The following ODF2L variants were observed in gnomAD, a reference collection of about 807,000 sequenced individuals.
ODF2L encodes outer dense fiber of sperm tails 2 like, also known as protein BCAP.
Under a neutral mutation model 86.3 loss-of-function variants are expected in ODF2L, and 76 were observed. That is an observed-to-expected ratio of 0.88 (90% CI 0.73 to 1.07). The LOEUF (loss-of-function observed/expected upper bound fraction) is 1.07. ODF2L is among the 50% of genes least tolerant of loss of function. The pLI, the probability that ODF2L is intolerant of heterozygous loss-of-function variation, is 0.00. For missense variants in ODF2L, 748 were observed against 717.4 expected (o/e 1.04, Z -0.49); for synonymous variants, 241 against 231.3 (o/e 1.04, Z -0.38).
In ODF2L at chr1:86,372,416, T is replaced by C; in HGVS notation, c.920+15A>G. 8.4e-7 allele frequency: 1 copy of C among 1,191,004 alleles called. No homozygotes were observed. Among genetic ancestry groups the C allele is most frequent in the Non-Finnish European group, 1.1e-6 (1 of 881,302 alleles). 73.8% of individuals were successfully genotyped at this position (1,191,004 alleles called of 1,614,324 possible). On this transcript the variant is annotated intron_variant, in intron 9 of 17. Transcript: ENST00000317336. ...ACTCTTACTAAATAATAAAATATTCTAAATTTTTTCTTACTTTTTCATTGT... is the reference window on the plus strand; with the variant it reads ...ACTCTTACTAAATAATAAAATATTCCAAATTTTTTCTTACTTTTTCATTGT...
intron 1 of ODF2L, among the ~76,000 whole-genome samples, chr1:86,390,266 C>T (rs1661226947): frequency 6.6e-6 from 1 of 151,894 alleles, no homozygotes; most frequent in African/African-American, 2.4e-5. Flanking sequence ...ACTAAAAATA[C>T]AAAAATTAGC....
At chr1:86,357,640 G>T in intron 13 of ODF2L, 1 of 265,394 alleles carries the variant, frequency 3.8e-6, no homozygotes, top group Non-Finnish European at 5.7e-6. Context: ...TCTGTTTTAA[G>T]GACACTGAGG....
intron 10 of ODF2L, among the ~76,000 whole-genome samples, chr1:86,369,332 T>C (rs1361308530): frequency 6.6e-6 from 1 of 152,196 alleles, no homozygotes; most frequent in East Asian, 1.9e-4. Context: ...TAACAAAAAG[T>C]AGCCGAAATA....
chr1:86,380,557 C>T (rs1489086731), intron 7 of ODF2L, among the ~76,000 whole-genome samples: 3 of 152,076 alleles, frequency 2.0e-5, no homozygotes, highest in African/African-American at 4.8e-5. Flanking sequence ...GTTCCAGACA[C>T]GATCTTCTCA....
exon 7 of ODF2L, chr1:86,382,299 T>C (rs773326785): frequency 6.2e-7 from 1 of 1,612,606 alleles, no homozygotes; most frequent in Admixed American, 1.7e-5. Flanking sequence ...TTTGGATCTG[T>C]AGTCGTTCAT....
At chr1:86,367,511 A>T (rs1316442953) in intron 11 of ODF2L, among the ~76,000 whole-genome samples, 1 of 150,668 alleles carries the variant, frequency 6.6e-6, no homozygotes. Context: ...TGGGGAAAAT[A>T]GGTTCTTCAG....
At position 86,368,848 on chromosome 1, in the gene ODF2L, C is replaced by T. The variant is rs561850545; in HGVS notation, c.1057-126G>A. 4.2e-5 allele frequency: 30 copies of T among 722,526 alleles called. No individual in the cohort carries two copies. In the Admixed American group the frequency reaches 4.7e-4, roughly 11 times the overall value. 44.8% of individuals were successfully genotyped at this position (722,526 alleles called of 1,614,324 possible). A position where few individuals can be genotyped will look rare whatever the true frequency, so the allele number is the denominator to read the frequency against. On this transcript the variant is annotated intron_variant, in intron 10 of 17. Coordinates refer to ENST00000317336, the Ensembl canonical transcript of ODF2L. ...AATAGGGAATCACCTAACACTTCTA[C>T]GTTGACTATATATTACAAAGTAATT... is the stretch of plus-strand genomic sequence containing the variant.
At chr1:86,379,680 T>A (rs1431590980) in intron 7 of ODF2L, among the ~76,000 whole-genome samples, 1 of 152,170 alleles carries the variant, frequency 6.6e-6, no homozygotes, top group Admixed American at 6.5e-5. Context: ...TTTACTAGAT[T>A]TAGGGGGCAC....
intron 1 of ODF2L, among the ~76,000 whole-genome samples, chr1:86,389,464 A>G (rs1558065963): frequency 6.6e-6 from 1 of 152,152 alleles, no homozygotes; most frequent in Non-Finnish European, 1.5e-5. Context: ...CAGACAATGT[A>G]AGGTCACATC....
intron 1 of ODF2L, among the ~76,000 whole-genome samples, chr1:86,395,566 A>G (rs913060939): frequency 6.6e-6 from 1 of 152,158 alleles, no homozygotes; most frequent in Non-Finnish European, 1.5e-5. Flanking sequence ...AGGGGCTGGA[A>G]CCTAGAGGAA....
chr1:86,352,799 T>C, intron 17 of ODF2L, 60 bp downstream of exon 16: 1 of 1,039,544 alleles, frequency 9.6e-7, no homozygotes, highest in Non-Finnish European at 1.4e-6. Flanking sequence ...TTGTATTTTC[T>C]ACATGGTAAG....
At chr1:86,384,012 T>C (rs1026059151) in intron 4 of ODF2L, among the ~76,000 whole-genome samples, 3 of 151,808 alleles carry the variant, frequency 2.0e-5, no homozygotes, top group African/African-American at 7.2e-5. Context: ...AACTAACAGT[T>C]CTTAATAGTG....
chr1:86,373,397 C>T (rs1417136989), intron 8 of ODF2L, among the ~76,000 whole-genome samples: 1 of 150,574 alleles, frequency 6.6e-6, no homozygotes, highest in East Asian at 1.9e-4. Flanking sequence ...CTGCCTCAGC[C>T]TCCCTAGTAG....
intron 9 of ODF2L, 45 bp downstream of exon 9, chr1:86,372,386 T>C: frequency 2.1e-6 from 2 of 952,262 alleles, no homozygotes; most frequent in Non-Finnish European, 2.9e-6. Context: ...TTTTAAAAAG[T>C]GAAAACTCTT....
rs150999853 is a variant in ODF2L, at chr1:86,379,431, C to T, written c.624+2811G>A. On this transcript the variant is annotated intron_variant, in intron 7 of 17. Coordinates refer to ENST00000317336, the Ensembl canonical transcript of ODF2L. ...ACTTCCTTAAAACTTCTGTGATTAACTCAGATAGTTTTTTTAGTTCACATC... is the reference window on the plus strand; with the variant it reads ...ACTTCCTTAAAACTTCTGTGATTAATTCAGATAGTTTTTTTAGTTCACATC... 1.1e-3 allele frequency among the ~76,000 whole-genome samples: 175 copies of T among 152,220 alleles called. 4 individuals are homozygous for T. The East Asian group carries it at 0.033, about 29-fold the overall frequency.
intron 2 of ODF2L, 127 bp from the exon 3 acceptor site, chr1:86,385,717 G>A (rs938608904): frequency 2.2e-5 from 13 of 602,642 alleles, no homozygotes; most frequent in South Asian, 8.5e-5. Context: ...AAAGTAGCTC[G>A]AAACTTGGAC....
At chr1:86,377,443 C>G (rs758984176) in intron 7 of ODF2L, among the ~76,000 whole-genome samples, 1 of 152,214 alleles carries the variant, frequency 6.6e-6, no homozygotes, top group Non-Finnish European at 1.5e-5. Context: ...CTCACAGCTC[C>G]ACTAGGCAGT....
At position 86,383,009 on chromosome 1, in the gene ODF2L, C is replaced by G; in HGVS notation, c.436-7G>C. 6.9e-7 allele frequency: 1 copy of G among 1,457,428 alleles called. No homozygotes were observed. Among genetic ancestry groups the G allele is most frequent in the Non-Finnish European group, 9.6e-7 (1 of 1,040,342 alleles). The allele number at this position is 1,457,428 out of a possible 1,614,324, so 90.3% of individuals were successfully genotyped here. ...ATACCTTCTTCTTAAGATTCTTGAG[C>G]AAATATAAAATAAGAATTAGGAATT... is the stretch of plus-strand genomic sequence containing the variant. On this transcript the variant is annotated splice_polypyrimidine_tract_variant and splice_region_variant and intron_variant, in intron 5 of 17. Transcript: ENST00000317336.
chr1:86,352,009 A>T, exon 18 of ODF2L: 1 of 1,295,086 alleles, frequency 7.7e-7, no homozygotes, highest in Non-Finnish European at 9.8e-7. Flanking sequence ...GAGTTAAAAA[A>T]AAGTTTAGAA....
Sources: gnomAD v4.1 joint callset for allele counts (sites outside exome capture counted in the v4.1 genomes callset) on GRCh38, gnomAD v4.1.1 for gene constraint, MANE v1.5 for transcripts, NCBI Gene and HGNC (gene_info 2026-07-23, HGNC 2026-07-21) for gene names.